CASP6: variants seen among roughly 807,000 people sequenced by gnomAD.
CASP6 encodes the protein caspase-6.
A neutral mutation model predicts 31.8 loss-of-function variants in CASP6; 20 were observed. The ratio of observed to expected loss-of-function variants is 0.63; its 90% CI spans 0.44 to 0.91. The LOEUF (loss-of-function observed/expected upper bound fraction) is 0.91, where lower values mean the gene tolerates loss of function less well. Among genes scored for constraint, CASP6 ranks in the 40% least tolerant of loss-of-function variants. CASP6 has a pLI of 0.00. For synonymous variants in CASP6, 130 were observed against 127.8 expected, an observed-to-expected ratio of 1.02 and a Z score of -0.12; for missense variants, 328 against 361.1, an observed-to-expected ratio of 0.91 and a Z score of 0.74.
the CASP6 span, among the ~76,000 whole-genome samples, chr4:109,709,180 T>C: frequency 6.6e-6 from 1 of 152,354 alleles, no homozygotes; most frequent in East Asian, 1.9e-4. Flanking sequence ...CTGTGGTCTA[T>C]GAACCAGCAG....
At chr4:109,709,316 T>C in the CASP6 span, among the ~76,000 whole-genome samples, 1 of 152,180 alleles carries the variant, frequency 6.6e-6, no homozygotes, top group African/African-American at 2.4e-5. Flanking sequence ...GTCTCACGCA[T>C]GCTCATGTTT....
chr4:109,703,501 C>CTCGGCGG, upstream of CASP6: 1 of 1,437,528 alleles, frequency 7.0e-7, no homozygotes, highest in Non-Finnish European at 9.4e-7. Flanking sequence ...CGCCCCCTGC[C>CTCGGCGG]CCCGAGCGTG....
chr4:109,693,817 C>T (rs1730153438), intron 5 of CASP6, among the ~76,000 whole-genome samples: 1 of 150,922 alleles, frequency 6.6e-6, no homozygotes, highest in African/African-American at 2.4e-5. Context: ...CGGCTAACTA[C>T]AGCCTCTGCC....
the CASP6 span, among the ~76,000 whole-genome samples, chr4:109,679,167 G>C: frequency 6.6e-6 from 1 of 151,778 alleles, no homozygotes; most frequent in South Asian, 2.1e-4. Context: ...TCCCAGACGG[G>C]GCAGCTGGGC....
upstream of CASP6, among the ~76,000 whole-genome samples, chr4:109,706,536 G>A (rs1254418163): frequency 6.6e-6 from 1 of 152,150 alleles, no homozygotes; most frequent in African/African-American, 2.4e-5. Flanking sequence ...CAAAGCAGTG[G>A]CAGGGTTTGG....
At chr4:109,678,704 C>G in the CASP6 span, among the ~76,000 whole-genome samples, 1 of 129,020 alleles carries the variant, frequency 7.8e-6, no homozygotes, top group South Asian at 2.6e-4. Context: ...ACTTCCCAGA[C>G]GGGGTGGTGG....
Position 109,697,855 on chromosome 4 carries a change from A to C in CASP6, c.84-87T>G, listed in dbSNP as rs143698623. 11 of 1,429,076 alleles carry C rather than the reference A, an allele frequency of 7.7e-6. No individual in the cohort carries two copies. In the African/African-American group the frequency reaches 1.6e-4, roughly 20 times the overall value. 88.5% of individuals were successfully genotyped at this position (1,429,076 alleles called of 1,614,324 possible). A position where few individuals can be genotyped will look rare whatever the true frequency, so the allele number is the denominator to read the frequency against. ...GTTCTAGGTCAACATGTAGATAGAG[A>C]TCTGAGCTTCCTCCTTGCCAGGCTG... On this transcript the variant is annotated intron_variant, in intron 2 of 6. Coordinates refer to ENST00000265164, the MANE Select transcript of CASP6 (RefSeq NM_001226.4).
the CASP6 span, among the ~76,000 whole-genome samples, chr4:109,673,270 A>G: frequency 1.3e-5 from 2 of 152,238 alleles, no homozygotes; most frequent in African/African-American, 4.8e-5. Flanking sequence ...ATAGATGTTT[A>G]CAGGCCATCC....
At chr4:109,703,166 A>G (rs1310289471) in intron 1 of CASP6, among the ~76,000 whole-genome samples, 190 bp downstream of exon 1, 1 of 152,132 alleles carries the variant, frequency 6.6e-6, no homozygotes, top group African/African-American at 2.4e-5. Context: ...CTTAGACTGA[A>G]GCGCGAAACC....
At chr4:109,682,362 G>A in the CASP6 span, among the ~76,000 whole-genome samples, 2 of 150,278 alleles carry the variant, frequency 1.3e-5, no homozygotes, top group South Asian at 4.2e-4. Context: ...CTGCTCTTCA[G>A]ATCCACACTT....
At chr4:109,706,166 T>TATATATATATATATATATATAC (rs1730613203), upstream of CASP6, among the ~76,000 whole-genome samples, 2 of 92,040 alleles carry the variant, frequency 2.2e-5, no homozygotes, top group African/African-American at 1.2e-4. Context: ...TATATATATA[T>TATATATATATATATATATATAC]ATATACACAC....
the CASP6 span, among the ~76,000 whole-genome samples, chr4:109,677,308 C>T: frequency 6.6e-6 from 1 of 152,158 alleles, no homozygotes; most frequent in Non-Finnish European, 1.5e-5. Context: ...TTCAGACTCA[C>T]AGCTGGAGGA....
At chr4:109,703,733 G>A, upstream of CASP6, 2 of 460,528 alleles carry the variant, frequency 4.3e-6, no homozygotes, top group East Asian at 3.8e-5. Flanking sequence ...CTAGCCCGAG[G>A]CAATTTCACA....
chr4:109,680,514 T>G, the CASP6 span, among the ~76,000 whole-genome samples: 1 of 145,744 alleles, frequency 6.9e-6, no homozygotes, highest in Non-Finnish European at 1.5e-5. Flanking sequence ...TTTGCCTATC[T>G]TCCATCTATG....
At chr4:109,679,684 G>A in the CASP6 span, among the ~76,000 whole-genome samples, 1 of 152,172 alleles carries the variant, frequency 6.6e-6, no homozygotes, top group Non-Finnish European at 1.5e-5. Flanking sequence ...TGGGGTCTGT[G>A]GTATCGTGTT....
At chr4:109,697,533 C>T (rs1375700922) in intron 3 of CASP6, 89 bp downstream of exon 3, 12 of 1,451,310 alleles carry the variant, frequency 8.3e-6, no homozygotes, top group Non-Finnish European at 1.1e-5. Context: ...TCCCAAAGTG[C>T]TGGGATTACC....
At chr4:109,700,113 A>C (rs1730372230) in intron 1 of CASP6, among the ~76,000 whole-genome samples, 1 of 152,218 alleles carries the variant, frequency 6.6e-6, no homozygotes, top group South Asian at 2.1e-4. Flanking sequence ...AGCTGTGCCA[A>C]ATGGCTGCTC....
At chr4:109,687,015 G>A (rs1160508541), downstream of CASP6, among the ~76,000 whole-genome samples, 3 of 140,900 alleles carry the variant, frequency 2.1e-5, no homozygotes, top group African/African-American at 9.7e-5. Context: ...GGTATAAACT[G>A]TATTTTTTTT....
the CASP6 span, among the ~76,000 whole-genome samples, chr4:109,682,429 T>C: frequency 2.6e-5 from 4 of 152,340 alleles, no homozygotes; most frequent in African/African-American, 9.6e-5. Context: ...TTTTCAAATG[T>C]ATATTACACC....
Sources: gnomAD v4.1 joint callset for allele counts (sites outside exome capture counted in the v4.1 genomes callset) on GRCh38, gnomAD v4.1.1 for gene constraint, MANE v1.5 for transcripts, NCBI Gene and HGNC (gene_info 2026-07-23, HGNC 2026-07-21) for gene names.